CDX1: variants seen among roughly 807,000 people sequenced by gnomAD.
CDX1 encodes the protein homeobox protein CDX-1.
A neutral mutation model predicts 16.9 loss-of-function variants in CDX1; 9 were observed. The ratio of observed to expected loss-of-function variants is 0.53; its 90% CI spans 0.32 to 0.93. The LOEUF (loss-of-function observed/expected upper bound fraction) is 0.93, where lower values mean the gene tolerates loss of function less well. Among genes scored for constraint, CDX1 ranks in the 40% least tolerant of loss-of-function variants. CDX1 has a pLI of 0.04. For missense variants in CDX1, 393 were observed against 386.1 expected (o/e 1.02, Z -0.15); for synonymous variants, 179 against 179.0 (o/e 1.00, Z 0.00).
At position 150,167,186 on chromosome 5, in the gene CDX1, C is replaced by G. The variant is rs552110612; in HGVS notation, c.310C>G (p.Pro104Ala). 7.9e-7 allele frequency: 1 copy of G among 1,269,894 alleles called. No homozygotes were observed. Among genetic ancestry groups the G allele is most frequent in the African/African-American group, 1.6e-5 (1 of 64,140 alleles). The allele number at this position is 1,269,894 out of a possible 1,614,324, so 78.7% of individuals were successfully genotyped here. The change falls in exon 1 of 3, where the codon CCC (proline) becomes GCC (alanine). Residue 104 changes from proline to alanine, a missense_variant. Transcript: ENST00000231656. ...TCCAGACTTTAGCCCGGTGCCGGCG[C>G]CCCCTGGGCCCGGCCCGGGCCTCCT... Reference protein sequence around the residue: ...PPPDFSPVPAPPGPGPGLLAQ... With the variant: ...PPPDFSPVPAAPGPGPGLLAQ...
intron 1 of CDX1, among the ~76,000 whole-genome samples, chr5:150,169,255 G>A (rs1265680238): frequency 6.6e-6 from 1 of 152,080 alleles, no homozygotes; most frequent in Non-Finnish European, 1.5e-5. Flanking sequence ...CGTGTCTCTG[G>A]GCACGAGAGC....
At chr5:150,171,616 G>T (rs762924831) in intron 1 of CDX1, among the ~76,000 whole-genome samples, 88 of 152,350 alleles carry the variant, frequency 5.8e-4, no homozygotes, top group Non-Finnish European at 1.1e-3. Context: ...GATTACAGGC[G>T]TGAGCCACCG....
chr5:150,184,004 G>T lies in CDX1; in HGVS notation c.*324G>T. The T allele has an allele frequency of 4.1e-6, 1 of 244,072 alleles. No homozygotes were observed. Among genetic ancestry groups the T allele is most frequent in the Non-Finnish European group, 7.8e-6 (1 of 127,844 alleles). 15.1% of individuals were successfully genotyped at this position (244,072 alleles called of 1,614,324 possible). A position where few individuals can be genotyped will look rare whatever the true frequency, so the allele number is the denominator to read the frequency against. On this transcript the variant is annotated 3_prime_UTR_variant, in exon 3 of 3. Coordinates refer to ENST00000231656, the MANE Select transcript of CDX1 (RefSeq NM_001804.3). ...CCAGGCCCCACCTCCTCCTCCATAC[G>T]TTCAGAGGTGCAGCTGGAGGCTGCT...
intron 1 of CDX1, among the ~76,000 whole-genome samples, chr5:150,170,655 C>A (rs769428351): frequency 1.3e-5 from 2 of 152,116 alleles, no homozygotes; most frequent in Non-Finnish European, 2.9e-5. Flanking sequence ...TGGATGGTAC[C>A]CCAACTCACC....
intron 1 of CDX1, among the ~76,000 whole-genome samples, chr5:150,169,506 C>T (rs931815139): frequency 6.6e-6 from 1 of 152,100 alleles, no homozygotes; most frequent in Admixed American, 6.5e-5. Context: ...GAAGGTGCTG[C>T]CTGTCTTCCC....
At chr5:150,172,409 AGTGGT>A (rs1268145584) in intron 1 of CDX1, among the ~76,000 whole-genome samples, 2 of 152,050 alleles carry the variant, frequency 1.3e-5, no homozygotes, top group Admixed American at 6.6e-5. Context: ...GATAGCCCTG[AGTGGT>A]GTAAGGATCT....
Position 150,167,122 on chromosome 5 carries a change from C to A in CDX1, c.246C>A (p.Ala82=). The change falls in exon 1 of 3, where the codon GCC becomes GCA. Residue 82 remains alanine (A), a synonymous_variant. Coordinates refer to ENST00000231656, the MANE Select transcript of CDX1 (RefSeq NM_001804.3). The part of the protein sequence containing the change: ...WAAAYGPGPA[A]PAASPASLAF... ...CCGCCTACGGCCCGGGCCCCGCGGC[C>A]CCTGCCGCCAGCCCAGCTTCGCTGG... The A allele has an allele frequency of 7.5e-7, 1 of 1,334,806 alleles. No homozygotes were observed. Among genetic ancestry groups the A allele is most frequent in the South Asian group, 2.0e-5 (1 of 48,892 alleles). 82.7% of individuals were successfully genotyped at this position (1,334,806 alleles called of 1,614,324 possible). A position where few individuals can be genotyped will look rare whatever the true frequency, so the allele number is the denominator to read the frequency against.
At chr5:150,171,924 C>T (rs565463652) in intron 1 of CDX1, among the ~76,000 whole-genome samples, 2 of 152,376 alleles carry the variant, frequency 1.3e-5, no homozygotes, top group South Asian at 4.1e-4. Flanking sequence ...TAAAGCACCG[C>T]CCTGCCGCTG....
intron 1 of CDX1, among the ~76,000 whole-genome samples, chr5:150,172,750 G>A (rs1036085128): frequency 6.6e-6 from 1 of 152,224 alleles, no homozygotes; most frequent in Middle Eastern, 3.2e-3. Flanking sequence ...CTCAGATATA[G>A]CTGGGAAAGG....
At chr5:150,174,575 G>A (rs554663646) in intron 1 of CDX1, among the ~76,000 whole-genome samples, 2 of 152,298 alleles carry the variant, frequency 1.3e-5, no homozygotes, top group South Asian at 4.2e-4. Context: ...CTGTCCAGTA[G>A]GCAGCCACCA....
intron 1 of CDX1, among the ~76,000 whole-genome samples, chr5:150,171,262 C>T (rs909729710): frequency 2.0e-5 from 3 of 152,248 alleles, no homozygotes; most frequent in African/African-American, 7.2e-5. Context: ...TTTACCTTCT[C>T]AAGGCACATG....
In CDX1 at chr5:150,167,247, C is replaced by T; in HGVS notation, c.371C>T (p.Ser124Leu). 1.6e-6 allele frequency: 2 copies of T among 1,265,276 alleles called. No homozygotes were observed. The highest frequency in any genetic ancestry group is 2.0e-6 in the Non-Finnish European group (2 of 1,011,572). The allele number at this position is 1,265,276 out of a possible 1,614,324, so 78.4% of individuals were successfully genotyped here. Residue 124 changes from serine to leucine, a missense_variant, in exon 1 of 3, where the codon TCG becomes TTG. Physicochemically the swap from Ser to Leu is moderately radical, Grantham distance 145. Coordinates refer to ENST00000231656, the MANE Select transcript of CDX1 (RefSeq NM_001804.3). ...CTCGGGGGCCCGGGCACACCGTCCT[C>T]GCCCGGAGCGCAGAGGCCGACGCCC... ...QPLGGPGTPS[S>L]PGAQRPTPYE...
intron 1 of CDX1, among the ~76,000 whole-genome samples, chr5:150,174,487 G>A (rs1218387244): frequency 5.3e-5 from 8 of 152,322 alleles, no homozygotes; most frequent in East Asian, 1.9e-4. Context: ...GTGGGCGTCC[G>A]GACCCTGGTA....
intron 1 of CDX1, among the ~76,000 whole-genome samples, chr5:150,178,891 T>C (rs4705418): frequency 1 from 152,248 of 152,290 alleles, 76,103 homozygotes; most frequent in Middle Eastern, 1. Flanking sequence ...CATACTGGGA[T>C]ATATGGGGTT....
chr5:150,170,755 G>A (rs1460497609), intron 1 of CDX1, among the ~76,000 whole-genome samples: 2 of 152,176 alleles, frequency 1.3e-5, no homozygotes, highest in African/African-American at 4.8e-5. Flanking sequence ...GAGAGAGGCT[G>A]TTGGGCTTCA....
chr5:150,176,880 A>G (rs1007605774), intron 1 of CDX1, among the ~76,000 whole-genome samples: 1 of 152,238 alleles, frequency 6.6e-6, no homozygotes, highest in African/African-American at 2.4e-5. Context: ...ACAGACGTGC[A>G]TGCCTGTTTG....
intron 1 of CDX1, among the ~76,000 whole-genome samples, chr5:150,175,078 C>G (rs1761552813): frequency 6.6e-6 from 1 of 152,194 alleles, no homozygotes; most frequent in African/African-American, 2.4e-5. Flanking sequence ...CGCCTGGCCT[C>G]TCTCCTGCCT....
chr5:150,171,960 G>A (rs773844799), intron 1 of CDX1, among the ~76,000 whole-genome samples: 4 of 152,326 alleles, frequency 2.6e-5, no homozygotes, highest in East Asian at 1.9e-4. Flanking sequence ...TTAGGGCATC[G>A]GTGCCTGTGA....
chr5:150,176,515 G>A (rs1761571723), intron 1 of CDX1, among the ~76,000 whole-genome samples: 1 of 152,164 alleles, frequency 6.6e-6, no homozygotes, highest in Non-Finnish European at 1.5e-5. Context: ...GACTTGGCTG[G>A]AGGGCGTGTG....
Sources: allele counts gnomAD v4.1 joint callset (sites outside exome capture counted in the v4.1 genomes callset), GRCh38; gene constraint gnomAD v4.1.1; transcripts MANE v1.5; gene names NCBI Gene and HGNC (gene_info 2026-07-23, HGNC 2026-07-21).